The following NRAS variants were observed in gnomAD, a reference collection of about 807,000 sequenced individuals.
The protein encoded by NRAS is GTPase NRas.
A neutral mutation model predicts 21.3 loss-of-function variants in NRAS; 6 were observed. The observed-to-expected ratio is 0.28, with a 90% CI of 0.15 to 0.56. The LOEUF (loss-of-function observed/expected upper bound fraction) is 0.56. Ranked by LOEUF, NRAS falls within the 20% of genes least tolerant of loss-of-function variation. NRAS has a pLI of 0.93. For missense variants in NRAS, 143 were observed against 231.3 expected, an observed-to-expected ratio of 0.62 and a Z score of 2.48; for synonymous variants, 84 against 82.0, an observed-to-expected ratio of 1.02 and a Z score of -0.13.
At position 114,706,066 on chromosome 1, in the gene NRAS, G is replaced by A. The variant is rs1261830150; in HGVS notation, c.*2028C>T. On this transcript the variant is annotated 3_prime_UTR_variant, in exon 7 of 7. Transcript: ENST00000369535. Reference sequence around the variant, plus strand: ...TTACAGAGTAGCACTGCTCCAGAAGGAGCAGAAACAGAAAAGCAGAATTTC... The same window carrying A: ...TTACAGAGTAGCACTGCTCCAGAAGAAGCAGAAACAGAAAAGCAGAATTTC... The A allele has an allele frequency of 2.0e-5, 3 of 152,160 alleles. No homozygotes were observed. The highest frequency in any genetic ancestry group is 7.2e-5 in the African/African-American group (3 of 41,434). 9.4% of individuals were successfully genotyped at this position (152,160 alleles called of 1,614,324 possible).
In NRAS at chr1:114,705,170, CT is replaced by C. The variant is rs1221136640; in HGVS notation, c.*2923del. On this transcript the variant is annotated 3_prime_UTR_variant, in exon 7 of 7. Transcript: ENST00000369535. Reference sequence around the variant, plus strand: ...TCTCTAAAGTGTTTCTCTATCCTTGCTTTCAAGTCATGACAAAAAAATTCAC... The same window carrying C: ...TCTCTAAAGTGTTTCTCTATCCTTGCTTCAAGTCATGACAAAAAAATTCAC... The C allele has an allele frequency of 6.6e-6, 1 of 152,132 alleles. No homozygotes were observed. The highest frequency in any genetic ancestry group is 1.5e-5 in the Non-Finnish European group (1 of 68,022). The allele number at this position is 152,132 out of a possible 1,614,324, so 9.4% of individuals were successfully genotyped here. A position where few individuals can be genotyped will look rare whatever the true frequency, so the allele number is the denominator to read the frequency against.
rs566123445 is a variant in NRAS at position 114,707,374 on chromosome 1, C to G, written c.*720G>C. The G allele has an allele frequency of 6.5e-6, 1 of 152,716 alleles. No homozygotes were observed. The highest frequency in any genetic ancestry group is 1.5e-5 in the Non-Finnish European group (1 of 68,018). The allele number at this position is 152,716 out of a possible 1,614,324, so 9.5% of individuals were successfully genotyped here. A position where few individuals can be genotyped will look rare whatever the true frequency, so the allele number is the denominator to read the frequency against. ...ACAGACGTATCTCAGACATTCATTT[C>G]ATGCATAAGGATTTTTGAGACATCT... On this transcript the variant is annotated 3_prime_UTR_variant, in exon 7 of 7. Coordinates refer to ENST00000369535, the MANE Select transcript of NRAS (RefSeq NM_002524.5).
chr1:114,713,752 TTC>T, intron 3 of NRAS, 46 bp downstream of exon 3: 1 of 1,491,778 alleles, frequency 6.7e-7, no homozygotes, highest in Non-Finnish European at 9.4e-7. Flanking sequence ...CCCATAAAGA[TTC>T]AGAACACAAA....
intron 2 of NRAS, 149 bp from the exon 3 acceptor site, chr1:114,714,127 T>C (rs1659106909): frequency 1.9e-6 from 1 of 539,910 alleles, no homozygotes; most frequent in African/African-American, 1.9e-5. Context: ...CTCAAATTGC[T>C]AATATATAAT....
intron 1 of NRAS, 47 bp from the exon 2 acceptor site, chr1:114,716,224 G>A: frequency 9.7e-7 from 1 of 1,029,076 alleles, no homozygotes; most frequent in South Asian, 1.3e-5. Context: ...CACATCTACA[G>A]TACTTTAAAG....
chr1:114,711,992 C>T (rs562794525), intron 3 of NRAS, among the ~76,000 whole-genome samples: 11 of 152,156 alleles, frequency 7.2e-5, no homozygotes, highest in African/African-American at 2.6e-4. Context: ...TAGTCTCTAC[C>T]CCTGGATTAC....
intron 3 of NRAS, among the ~76,000 whole-genome samples, chr1:114,711,844 T>C (rs903294133): frequency 1.3e-5 from 2 of 152,170 alleles, no homozygotes; most frequent in Admixed American, 1.3e-4. Context: ...TATGTGATGA[T>C]GGAAATGGTC....
At chr1:114,711,377 C>T (rs1438610593) in intron 3 of NRAS, among the ~76,000 whole-genome samples, 2 of 151,966 alleles carry the variant, frequency 1.3e-5, no homozygotes, top group Middle Eastern at 3.2e-3. Flanking sequence ...GCGGGTGGAT[C>T]ACCTGAGGTC....
In NRAS at chr1:114,706,948, T is replaced by C. The variant is rs1658932716; in HGVS notation, c.*1146A>G. The C allele has an allele frequency of 6.6e-6, 1 of 152,628 alleles. No individual in the cohort carries two copies. Among genetic ancestry groups the C allele is most frequent in the Non-Finnish European group, 1.5e-5 (1 of 68,046 alleles). 9.5% of individuals were successfully genotyped at this position (152,628 alleles called of 1,614,324 possible). ...TATATACATCATTAAGATACCATGATATACAGTGAAAATGTAATTTGTTAA... is the reference window on the plus strand; with the variant it reads ...TATATACATCATTAAGATACCATGACATACAGTGAAAATGTAATTTGTTAA... On this transcript the variant is annotated 3_prime_UTR_variant, in exon 7 of 7. Coordinates refer to ENST00000369535, the MANE Select transcript of NRAS (RefSeq NM_002524.5).
Position 114,709,765 on chromosome 1 carries a change from A to C in NRAS, c.291-37T>G, listed in dbSNP as rs1231161861. The C allele has an allele frequency of 3.2e-6, 5 of 1,574,008 alleles. No individual in the cohort carries two copies. The East Asian group carries it at 1.1e-4, about 35-fold the overall frequency. On this transcript the variant is annotated intron_variant, in intron 3 of 6. Coordinates refer to ENST00000369535, the MANE Select transcript of NRAS (RefSeq NM_002524.5). ...AATATATTATCAGAACATAAGAAAA[A>C]CAAGATTAGGCTGGGTACAGTGGCT...
In NRAS at chr1:114,707,310, C is replaced by G. The variant is rs1259819153; in HGVS notation, c.*784G>C. On this transcript the variant is annotated 3_prime_UTR_variant, in exon 7 of 7. Coordinates refer to ENST00000369535, the MANE Select transcript of NRAS (RefSeq NM_002524.5). ...ATACATGTACAAAATGGCATCTGCT[C>G]TCAAATAGATATAGCTTTCCTTCAA... is the stretch of plus-strand genomic sequence containing the variant. 2.0e-5 allele frequency: 3 copies of G among 152,548 alleles called. No homozygotes were observed. The highest frequency in any genetic ancestry group is 7.2e-5 in the African/African-American group (3 of 41,434). 9.4% of individuals were successfully genotyped at this position (152,548 alleles called of 1,614,324 possible).
chr1:114,714,013 G>T (rs762225652), intron 2 of NRAS, 35 bp from the exon 3 acceptor site: 5 of 1,071,910 alleles, frequency 4.7e-6, no homozygotes, highest in Non-Finnish European at 7.0e-6. Flanking sequence ...CAGGGAGGGA[G>T]GGAAGTTCAA....
intron 2 of NRAS, 145 bp from the exon 3 acceptor site, chr1:114,714,123 T>C (rs1659106835): frequency 1.8e-6 from 1 of 547,480 alleles, no homozygotes; most frequent in South Asian, 3.1e-5. Flanking sequence ...GTCCCTCAAA[T>C]TGCTAATATA....
intron 5 of NRAS, 111 bp downstream of exon 5, chr1:114,708,420 G>T (rs1658963616): frequency 1.0e-6 from 1 of 972,520 alleles, no homozygotes; most frequent in Non-Finnish European, 1.7e-6. Flanking sequence ...ATGTGCAGAA[G>T]AGGATAGGCA....
intron 4 of NRAS, among the ~76,000 whole-genome samples, chr1:114,708,883 A>G (rs1483809744): frequency 6.6e-6 from 1 of 152,262 alleles, no homozygotes; most frequent in Non-Finnish European, 1.5e-5. Context: ...TTGCCAAATA[A>G]ACATTCATGC....
chr1:114,709,639 G>T lies in NRAS; in HGVS notation c.380C>A (p.Thr127Lys). The change falls in exon 4 of 7, where the codon ACA (threonine) becomes AAA (lysine). Residue 127 changes from threonine (T) to lysine (K), a missense_variant. Thr to Lys is a moderately conservative substitution (Grantham distance 78). Coordinates refer to ENST00000369535, the MANE Select transcript of NRAS (RefSeq NM_002524.5). ...KCDLPTRTVD[T>K]KQAHELAKSY... The stretch of plus-strand genomic sequence containing the variant: ...CTTGGCCAGTTCGTGGGCTTGTTTT[G>T]TATCAACTGTCCTTGTTGGCAAATC... The T allele has an allele frequency of 4.3e-6, 7 of 1,613,776 alleles. No homozygotes were observed. Among genetic ancestry groups the T allele is most frequent in the Non-Finnish European group, 5.1e-6 (6 of 1,179,728 alleles).
In NRAS at chr1:114,709,988, G is replaced by C. The variant is rs7549358; in HGVS notation, c.291-260C>G. ...TGGGCAGATCACAAGGTCAGGAGTT[G>C]AAGACCAGCCTGGCCAATATGGTGA... On this transcript the variant is annotated intron_variant, in intron 3 of 6. Transcript: ENST00000369535. Among the ~76,000 whole-genome samples, 115,851 of 151,590 alleles carry C rather than the reference G, an allele frequency of 0.76. 45,831 individuals carry two copies. Among genetic ancestry groups the C allele is most frequent in the East Asian group, 1 (5,135 of 5,144 alleles).
chr1:114,712,994 A>G (rs1659078278), intron 3 of NRAS, among the ~76,000 whole-genome samples: 1 of 152,218 alleles, frequency 6.6e-6, no homozygotes, highest in Non-Finnish European at 1.5e-5. Context: ...TCCTGACTCC[A>G]AAACCTAACA....
At chr1:114,710,194 C>CA (rs1296687218) in intron 3 of NRAS, among the ~76,000 whole-genome samples, 1 of 130,626 alleles carries the variant, frequency 7.7e-6, no homozygotes. Context: ...CCATCCCCCC[C>CA]AACCCCCCCC....
Sources: allele counts gnomAD v4.1 joint callset (sites outside exome capture counted in the v4.1 genomes callset), GRCh38; gene constraint gnomAD v4.1.1; transcripts MANE v1.5; gene names NCBI Gene and HGNC (gene_info 2026-07-23, HGNC 2026-07-21).